NBPF15: variants seen among roughly 807,000 people sequenced by gnomAD.
NBPF15 encodes the protein NBPF family member NBPF15.
A neutral mutation model predicts 62.2 loss-of-function variants in NBPF15; 74 were observed. The observed-to-expected ratio is 1.19, with a 90% CI of 0.99 to 1.44. The LOEUF (loss-of-function observed/expected upper bound fraction) is 1.44. NBPF15 is among the 40% of genes most tolerant of loss of function. NBPF15 has a pLI of 0.00. For missense variants in NBPF15, 790 were observed against 550.0 expected (o/e 1.44, Z -4.36); for synonymous variants, 244 against 209.7 (o/e 1.16, Z -1.41).
Position 144,440,275 on chromosome 1 carries a change from G to A in NBPF15, c.-170C>T, listed in dbSNP as rs1322111374. On this transcript the variant is annotated 5_prime_UTR_variant, in exon 7 of 22. Transcript: ENST00000581897. ...TCTGATAAGAGTGAGGTAGATTGTGGCCAGCGTGCCAGGTAACCGTCTGCA... is the reference window on the plus strand; with the variant it reads ...TCTGATAAGAGTGAGGTAGATTGTGACCAGCGTGCCAGGTAACCGTCTGCA... 6 of 1,489,224 alleles carry A rather than the reference G, an allele frequency of 4.0e-6. No homozygotes were observed. Among genetic ancestry groups the A allele is most frequent in the Non-Finnish European group, 5.4e-6 (6 of 1,112,358 alleles). The allele number at this position is 1,489,224 out of a possible 1,614,324, so 92.3% of individuals were successfully genotyped here.
intron 6 of NBPF15, among the ~76,000 whole-genome samples, chr1:144,446,024 T>A (rs1444738168): frequency 1.3e-5 from 2 of 149,232 alleles, no homozygotes; most frequent in Non-Finnish European, 3.0e-5. Context: ...CCTAGCTAAT[T>A]TTTTGTATTT....
chr1:144,451,981 G>T (rs1453278921), intron 4 of NBPF15, among the ~76,000 whole-genome samples: 1 of 151,548 alleles, frequency 6.6e-6, no homozygotes, highest in East Asian at 1.9e-4. Flanking sequence ...AAGAATCCCT[G>T]TCTCTACCAA....
At chr1:144,434,392 T>G (rs1451959670) in intron 12 of NBPF15, among the ~76,000 whole-genome samples, 1 of 146,746 alleles carries the variant, frequency 6.8e-6, no homozygotes, top group African/African-American at 2.6e-5. Flanking sequence ...TCCCAGCAAC[T>G]CAGGAGGCTG....
chr1:144,441,537 TA>T (rs1248217139), intron 6 of NBPF15, among the ~76,000 whole-genome samples: 2 of 149,800 alleles, frequency 1.3e-5, no homozygotes, highest in African/African-American at 5.0e-5. Context: ...TATACATACA[TA>T]TTTTTTGCTG....
intron 8 of NBPF15, among the ~76,000 whole-genome samples, chr1:144,438,845 C>G (rs1347859909): frequency 2.0e-5 from 3 of 151,944 alleles, no homozygotes; most frequent in East Asian, 1.9e-4. Context: ...AGTCCCTGCT[C>G]TGTACACTGC....
chr1:144,442,552 C>G (rs1263387894), intron 6 of NBPF15: 1 of 152,016 alleles, frequency 6.6e-6, no homozygotes, highest in Admixed American at 6.6e-5. Flanking sequence ...GCGGCCCCAA[C>G]AGCAGCGACC....
At chr1:144,428,390 T>C (rs1222715350) in intron 15 of NBPF15, among the ~76,000 whole-genome samples, 2 of 151,968 alleles carry the variant, frequency 1.3e-5, no homozygotes, top group Non-Finnish European at 2.9e-5. Context: ...GCTTTTGAGG[T>C]ATGGTCAACC....
intron 6 of NBPF15, chr1:144,442,915 G>A (rs1308568865): frequency 4.3e-5 from 9 of 207,042 alleles, no homozygotes; most frequent in African/African-American, 1.4e-4. Context: ...CAAGACGCTA[G>A]GCCTGCTGAT....
At chr1:144,449,520 C>A (rs1371042147) in intron 5 of NBPF15, among the ~76,000 whole-genome samples, 1 of 151,462 alleles carries the variant, frequency 6.6e-6, no homozygotes, top group African/African-American at 2.4e-5. Flanking sequence ...ACTTTTGACA[C>A]ACAAAACAAC....
At chr1:144,455,216 G>C (rs1553546592) in intron 4 of NBPF15, among the ~76,000 whole-genome samples, 1 of 148,690 alleles carries the variant, frequency 6.7e-6, no homozygotes, top group East Asian at 2.0e-4. Context: ...CAGAAGGGAA[G>C]GAGGGAGGGA....
rs1671062547 is a variant in NBPF15, at chr1:144,427,995, A to G, written c.1041-5T>C. On this transcript the variant is annotated splice_polypyrimidine_tract_variant and splice_region_variant and intron_variant, in intron 15 of 21. Coordinates refer to ENST00000581897, the MANE Select transcript of NBPF15 (RefSeq NM_001385408.1). The stretch of plus-strand genomic sequence containing the variant: ...TCCAGCAGCTCCCTGCTGAGCCTGG[A>G]AAAGTGGGAAAAAGTAAAGAATAAG... 1 of 733,628 alleles carries G rather than the reference A, an allele frequency of 1.4e-6. No homozygotes were observed. The highest frequency in any genetic ancestry group is 1.7e-5 in the African/African-American group (1 of 57,706). 45.4% of individuals were successfully genotyped at this position (733,628 alleles called of 1,614,324 possible). A position where few individuals can be genotyped will look rare whatever the true frequency, so the allele number is the denominator to read the frequency against.
intron 14 of NBPF15, 45 bp downstream of exon 14, chr1:144,429,655 G>A: frequency 1.7e-6 from 1 of 602,724 alleles, no homozygotes; most frequent in Non-Finnish European, 2.9e-6. Context: ...GGGTCTACCT[G>A]GGCCATGAAC....
intron 5 of NBPF15, among the ~76,000 whole-genome samples, chr1:144,449,898 G>A (rs1293001137): frequency 6.7e-6 from 1 of 148,242 alleles, no homozygotes; most frequent in Non-Finnish European, 1.5e-5. Context: ...TCAAGGATCT[G>A]CACTTAATGG....
chr1:144,436,902 G>C lies in NBPF15; in HGVS notation c.486C>G (p.Leu162=), dbSNP rs1387332544. 5 of 1,612,014 alleles carry C rather than the reference G, an allele frequency of 3.1e-6. No individual in the cohort carries two copies. In the African/African-American group the frequency reaches 6.7e-5, roughly 22 times the overall value. ...GGCCTATGGCCACCTTACCTGGGCT[G>C]AGCTTTTGGACAAGGTGCTGTGTCA... The part of the protein sequence containing the change: ...CRLTQHLVQK[L]SPENDNDDDE... The change falls in exon 10 of 22, where the codon CTC becomes CTG. Residue 162 remains leucine, a synonymous_variant. Coordinates refer to ENST00000581897, the MANE Select transcript of NBPF15 (RefSeq NM_001385408.1).
intron 15 of NBPF15, 87 bp downstream of exon 15, chr1:144,428,519 A>T (rs1553539746): frequency 1.3e-6 from 1 of 766,814 alleles, no homozygotes; most frequent in African/African-American, 1.7e-5. Flanking sequence ...AGACAAAATC[A>T]TTATTTTCAG....
At position 144,427,902 on chromosome 1, in the gene NBPF15, C is replaced by A. The variant is rs1478266798; in HGVS notation, c.1129G>T (p.Glu377Ter). ...TAGGGCTGGCATGAGTCAGTCAGTT[C>A]AAGACAACCTGAAGGAGTTGAATAA... The part of the protein sequence containing the change: ...RCYSTPSGCL[E>*]LTDSCQPYRS... Residue 377 changes from glutamate to a stop codon, truncating the protein, a stop_gained, in exon 16 of 22, where the codon GAA becomes TAA. Coordinates refer to ENST00000581897, the MANE Select transcript of NBPF15 (RefSeq NM_001385408.1). LOFTEE classifies it high-confidence loss of function. 1 of 658,646 alleles carries A rather than the reference C, an allele frequency of 1.5e-6. No individual in the cohort carries two copies. The highest frequency in any genetic ancestry group is 2.7e-6 in the Non-Finnish European group (1 of 365,064). The allele number at this position is 658,646 out of a possible 1,614,324, so 40.8% of individuals were successfully genotyped here.
Position 144,422,693 on chromosome 1 carries a change from C to A in NBPF15, c.*320G>T, listed in dbSNP as rs1273171289. Reference sequence around the variant, plus strand: ...CAATGACCTTGAGCAGGTATAGAAGCTCAGAGACATGCCTGCAAAATGAAA... The same window carrying A: ...CAATGACCTTGAGCAGGTATAGAAGATCAGAGACATGCCTGCAAAATGAAA... On this transcript the variant is annotated 3_prime_UTR_variant, in exon 22 of 22. Coordinates refer to ENST00000581897, the MANE Select transcript of NBPF15 (RefSeq NM_001385408.1). 34 of 511,470 alleles carry A rather than the reference C, an allele frequency of 6.6e-5. 1 individual carries two copies. The highest frequency in any genetic ancestry group is 1.1e-4 in the Non-Finnish European group (31 of 287,396). 31.7% of individuals were successfully genotyped at this position (511,470 alleles called of 1,614,324 possible). A position where few individuals can be genotyped will look rare whatever the true frequency, so the allele number is the denominator to read the frequency against.
chr1:144,453,235 C>T, intron 4 of NBPF15, among the ~76,000 whole-genome samples: 1 of 150,742 alleles, frequency 6.6e-6, no homozygotes, highest in East Asian at 2.0e-4. Context: ...TTTAAAACAG[C>T]AAAGATAGCC....
chr1:144,437,868 A>G (rs1553541619), intron 9 of NBPF15, 77 bp downstream of exon 9: 1 of 1,609,608 alleles, frequency 6.2e-7, no homozygotes, highest in Non-Finnish European at 8.5e-7. Flanking sequence ...CTTAGCTCTT[A>G]CATCTCCCCA....
Sources: gnomAD v4.1 joint callset for allele counts (sites outside exome capture counted in the v4.1 genomes callset) on GRCh38, gnomAD v4.1.1 for gene constraint, MANE v1.5 for transcripts, NCBI Gene and HGNC (gene_info 2026-07-23, HGNC 2026-07-21) for gene names.